Variants in LRP11 observed in about 807,000 individuals in gnomAD.
LRP11 encodes LDL receptor related protein 11.
Under a neutral mutation model 43.1 loss-of-function variants are expected in LRP11, and 25 were observed. The ratio of observed to expected loss-of-function variants is 0.58; its 90% CI spans 0.42 to 0.81. The LOEUF (loss-of-function observed/expected upper bound fraction) is 0.81. Ranked by LOEUF, LRP11 falls within the 30% of genes least tolerant of loss-of-function variation. The pLI, the probability that LRP11 is intolerant of heterozygous loss-of-function variation, is 0.00. For synonymous variants in LRP11, 316 were observed against 299.4 expected (o/e 1.06, Z -0.57); for missense variants, 623 against 665.1 (o/e 0.94, Z 0.70).
At chr6:149,830,891 A>C (rs1482359530) in intron 5 of LRP11, among the ~76,000 whole-genome samples, 1 of 152,186 alleles carries the variant, frequency 6.6e-6, no homozygotes, top group Non-Finnish European at 1.5e-5. Context: ...GGGTAACTGA[A>C]ATGTGAATTT....
At chr6:149,858,014 A>G (rs186693175) in intron 1 of LRP11, among the ~76,000 whole-genome samples, 21 of 152,338 alleles carry the variant, frequency 1.4e-4, no homozygotes, top group African/African-American at 4.8e-4. Flanking sequence ...TACATCACAC[A>G]GGCGATAAAT....
chr6:149,837,315 G>C (rs956053856), intron 4 of LRP11, 23 bp downstream of exon 4: 2 of 1,610,530 alleles, frequency 1.2e-6, no homozygotes, highest in Non-Finnish European at 1.7e-6. Flanking sequence ...CCACTGCCTA[G>C]CAATGTGACA....
rs1308393666 is a variant in LRP11 at position 149,837,391 on chromosome 6, C to T, written c.986G>A (p.Cys329Tyr). The T allele has an allele frequency of 6.2e-7, 1 of 1,614,154 alleles. No homozygotes were observed. The highest frequency in any genetic ancestry group is 1.7e-5 in the Admixed American group (1 of 60,024). The change falls in exon 4 of 7, where the codon TGC (cysteine) becomes TAC (tyrosine). Residue 329 changes from cysteine (C) to tyrosine (Y), a missense_variant. By Grantham distance (194) the Cys-to-Tyr change is radical (BLOSUM62 -2). Coordinates refer to ENST00000239367, the MANE Select transcript of LRP11 (RefSeq NM_032832.6). ...ATCAGGACACTGCTGCACTCCATCG[C>T]AGGCGAGCGTGATGTCAATGCAGCA... ...DGCCIDITLA[C>Y]DGVQQCPDGS...
At chr6:149,847,897 C>CA (rs763608218) in intron 2 of LRP11, among the ~76,000 whole-genome samples, 4 of 150,276 alleles carry the variant, frequency 2.7e-5, no homozygotes, top group South Asian at 2.1e-4. Flanking sequence ...TACTTGGTTA[C>CA]AAAGACTTAG....
intron 5 of LRP11, among the ~76,000 whole-genome samples, chr6:149,829,427 G>A (rs1413913986): frequency 3.3e-5 from 5 of 152,062 alleles, no homozygotes; most frequent in Non-Finnish European, 4.4e-5. Context: ...TGGGAATGAC[G>A]GCACACGCTT....
At chr6:149,844,183 A>G (rs1479454758) in intron 2 of LRP11, among the ~76,000 whole-genome samples, 2 of 151,218 alleles carry the variant, frequency 1.3e-5, no homozygotes, top group Non-Finnish European at 2.9e-5. Context: ...AAACTGGGAG[A>G]CAGAGGTTGT....
At chr6:149,835,976 C>T in intron 5 of LRP11, 109 bp downstream of exon 5, 1 of 1,036,838 alleles carries the variant, frequency 9.6e-7, no homozygotes, top group Non-Finnish European at 1.4e-6. Flanking sequence ...AATTTTAACT[C>T]TTATTTCAAG....
intron 1 of LRP11, among the ~76,000 whole-genome samples, chr6:149,857,168 A>G (rs1776811977): frequency 6.6e-6 from 1 of 152,184 alleles, no homozygotes; most frequent in Non-Finnish European, 1.5e-5. Flanking sequence ...CTAATCTCCA[A>G]GCTGTCCTTG....
intron 1 of LRP11, among the ~76,000 whole-genome samples, chr6:149,854,045 G>A (rs1268468060): frequency 3.9e-5 from 6 of 152,250 alleles, no homozygotes; most frequent in South Asian, 4.1e-4. Flanking sequence ...GACGTTCACC[G>A]TTTCTAATAA....
chr6:149,848,464 G>A (rs1023572629), intron 2 of LRP11, among the ~76,000 whole-genome samples: 3 of 152,166 alleles, frequency 2.0e-5, no homozygotes, highest in African/African-American at 7.2e-5. Flanking sequence ...CAATAGCAAA[G>A]ATATGGAATC....
chr6:149,826,929 C>A (rs1361555276), intron 5 of LRP11, among the ~76,000 whole-genome samples: 1 of 151,196 alleles, frequency 6.6e-6, no homozygotes, highest in Non-Finnish European at 1.5e-5. Flanking sequence ...TATTACTTAA[C>A]TATTAAGTTA....
In LRP11 at chr6:149,863,546, C is replaced by G; in HGVS notation, c.475G>C (p.Gly159Arg). The change falls in exon 1 of 7, where the codon GGC (glycine) becomes CGC (arginine). Residue 159 changes from glycine to arginine, a missense_variant. Gly to Arg is a moderately radical substitution (Grantham distance 125, BLOSUM62 -2). Coordinates refer to ENST00000239367, the MANE Select transcript of LRP11 (RefSeq NM_032832.6). ...RRPAPPAAVL[G>R]CYLFNCTARG... ...GCCGTGCAGTTGAAGAGGTAGCAGC[C>G]GAGCACGGCTGCCGGGGGCGCGGGG... 1 of 1,367,132 alleles carries G rather than the reference C, an allele frequency of 7.3e-7. No individual in the cohort carries two copies. The highest frequency in any genetic ancestry group is 9.4e-7 in the Non-Finnish European group (1 of 1,068,992). The allele number at this position is 1,367,132 out of a possible 1,614,324, so 84.7% of individuals were successfully genotyped here. A position where few individuals can be genotyped will look rare whatever the true frequency, so the allele number is the denominator to read the frequency against.
At chr6:149,829,856 C>T (rs1398011867) in intron 5 of LRP11, among the ~76,000 whole-genome samples, 1 of 152,052 alleles carries the variant, frequency 6.6e-6, no homozygotes, top group Non-Finnish European at 1.5e-5. Flanking sequence ...ACTTGGCGCT[C>T]TCTTACCCTG....
intron 1 of LRP11, among the ~76,000 whole-genome samples, chr6:149,858,860 C>T (rs1296220746): frequency 1.3e-5 from 2 of 152,142 alleles, no homozygotes. Context: ...CATACGTTCT[C>T]TTCAGCATAG....
chr6:149,838,201 T>C (rs1279655477), intron 3 of LRP11, among the ~76,000 whole-genome samples: 1 of 151,570 alleles, frequency 6.6e-6, no homozygotes, highest in African/African-American at 2.4e-5. Context: ...TTACAGGTGT[T>C]AGCCACCGTG....
chr6:149,834,569 C>G (rs965715158), intron 5 of LRP11, among the ~76,000 whole-genome samples: 13 of 152,274 alleles, frequency 8.5e-5, no homozygotes, highest in Non-Finnish European at 1.2e-4. Context: ...ACCCCTTCGG[C>G]AGTCCTGCCA....
At chr6:149,848,037 T>C (rs1343291939) in intron 2 of LRP11, among the ~76,000 whole-genome samples, 2 of 152,206 alleles carry the variant, frequency 1.3e-5, no homozygotes, top group African/African-American at 4.8e-5. Flanking sequence ...TGTGGTTTTC[T>C]GAAGTCACTG....
Position 149,849,629 on chromosome 6 carries a change from C to A in LRP11, c.771+3374G>T, listed in dbSNP as rs554172342. ...AAAAAAAATTAGCCATGACTATAGT[C>A]CCAGCTACTCAGTAGGCTGAGGTGG... On this transcript the variant is annotated intron_variant, in intron 2 of 6. Transcript: ENST00000239367. Among the ~76,000 whole-genome samples the A allele has an allele frequency of 4.1e-4, 63 of 152,176 alleles. 1 individual carries two copies. The South Asian group carries it at 8.3e-3, about 20-fold the overall frequency.
Position 149,838,411 on chromosome 6 carries a change from C to T in LRP11, c.914-948G>A, listed in dbSNP as rs578009797. Reference sequence around the variant, plus strand: ...TCATGAAATAATGACATTGGCCAGGCGTGGTGGCTCACACCTGTAATCCCA... The same window carrying T: ...TCATGAAATAATGACATTGGCCAGGTGTGGTGGCTCACACCTGTAATCCCA... On this transcript the variant is annotated intron_variant, in intron 3 of 6. Coordinates refer to ENST00000239367, the MANE Select transcript of LRP11 (RefSeq NM_032832.6). Among the ~76,000 whole-genome samples the T allele has an allele frequency of 4.6e-5, 7 of 151,772 alleles. No individual in the cohort carries two copies. The South Asian group carries it at 1.2e-3, about 27-fold the overall frequency.
Sources: gnomAD v4.1 joint callset for allele counts (sites outside exome capture counted in the v4.1 genomes callset) on GRCh38, gnomAD v4.1.1 for gene constraint, MANE v1.5 for transcripts, NCBI Gene and HGNC (gene_info 2026-07-23, HGNC 2026-07-21) for gene names.